The following SPON1 variants were observed in gnomAD, a reference collection of about 807,000 sequenced individuals.
The protein encoded by SPON1 is spondin-1.
Under a neutral mutation model 111.7 loss-of-function variants are expected in SPON1, and 52 were observed. The ratio of observed to expected loss-of-function variants is 0.47; its 90% confidence interval spans 0.37 to 0.59. The LOEUF is 0.59. Among genes scored for constraint, SPON1 ranks in the 20% least tolerant of loss-of-function variants. The pLI is 0.00. For synonymous variants in SPON1, 410 were observed against 395.8 expected, an observed-to-expected ratio of 1.04 and a Z score of -0.43; for missense variants, 957 against 1,068.5, an observed-to-expected ratio of 0.90 and a Z score of 1.46.
intron 2 of SPON1, among the ~76,000 whole-genome samples, chr11:14,030,124 G>C (rs1848547405): frequency 1.3e-5 from 2 of 152,212 alleles, no homozygotes; most frequent in Admixed American, 1.3e-4. Context: ...GAACTACTCA[G>C]GTTAATAGAG....
intron 6 of SPON1, among the ~76,000 whole-genome samples, chr11:14,136,091 C>T (rs1335948228): frequency 6.6e-6 from 1 of 152,322 alleles, no homozygotes; most frequent in South Asian, 2.1e-4. Context: ...TAGGCCTTCA[C>T]TGATACCTCT....
intron 2 of SPON1, among the ~76,000 whole-genome samples, chr11:14,005,137 A>G (rs574265165): frequency 5.8e-4 from 88 of 152,148 alleles, no homozygotes; most frequent in Non-Finnish European, 9.1e-4. Context: ...GATATCCAAA[A>G]AAATTATTAC....
intron 5 of SPON1, among the ~76,000 whole-genome samples, chr11:14,102,557 T>C (rs1849152211): frequency 6.6e-6 from 1 of 152,230 alleles, no homozygotes; most frequent in South Asian, 2.1e-4. Flanking sequence ...CACAGTTTTG[T>C]AGCAAATCAA....
intron 3 of SPON1, among the ~76,000 whole-genome samples, chr11:14,050,121 C>G (rs1399179739): frequency 1.3e-5 from 2 of 152,188 alleles, no homozygotes; most frequent in Non-Finnish European, 2.9e-5. Flanking sequence ...CCAGCTGCAG[C>G]TGCTACAAGA....
chr11:14,018,893 G>A (rs1848462073), intron 2 of SPON1, among the ~76,000 whole-genome samples: 1 of 152,194 alleles, frequency 6.6e-6, no homozygotes, highest in Non-Finnish European at 1.5e-5. Flanking sequence ...TGAAGAGCCT[G>A]GTAATAGCAG....
chr11:14,221,741 C>T (rs184606682), intron 6 of SPON1, among the ~76,000 whole-genome samples: 23 of 152,260 alleles, frequency 1.5e-4, no homozygotes, highest in South Asian at 2.1e-4. Flanking sequence ...TCTTCACAAG[C>T]GAAGGGCATT....
At chr11:14,026,654 G>T (rs1554915350) in intron 2 of SPON1, among the ~76,000 whole-genome samples, 1 of 152,200 alleles carries the variant, frequency 6.6e-6, no homozygotes, top group Non-Finnish European at 1.5e-5. Context: ...AATACAACAA[G>T]CTTCAGGGTT....
At chr11:14,263,069 A>T in intron 15 of SPON1, 94 bp downstream of exon 15, 1 of 1,382,920 alleles carries the variant, frequency 7.2e-7, no homozygotes, top group Non-Finnish European at 9.6e-7. Flanking sequence ...AAAAAAAAAA[A>T]AAAAAGTCGG....
intron 2 of SPON1, among the ~76,000 whole-genome samples, chr11:13,990,460 T>C (rs149332056): frequency 0.021 from 3,058 of 147,768 alleles, 109 homozygotes; most frequent in African/African-American, 0.071. Flanking sequence ...TGAGCCTATG[T>C]GTGTCTTTGC....
At chr11:14,002,705 G>A (rs782684186) in intron 2 of SPON1, among the ~76,000 whole-genome samples, 4 of 151,962 alleles carry the variant, frequency 2.6e-5, no homozygotes, top group Non-Finnish European at 5.9e-5. Flanking sequence ...GCAGACAGAT[G>A]GTACAGTTTT....
At chr11:14,179,197 C>A (rs1045149850) in intron 6 of SPON1, among the ~76,000 whole-genome samples, 1 of 152,086 alleles carries the variant, frequency 6.6e-6, no homozygotes, top group African/African-American at 2.4e-5. Flanking sequence ...ATGAAGAAAG[C>A]GTCATTCAGC....
chr11:14,052,017 C>G (rs1848711158), intron 3 of SPON1, among the ~76,000 whole-genome samples: 1 of 152,186 alleles, frequency 6.6e-6, no homozygotes, highest in African/African-American at 2.4e-5. Flanking sequence ...CACCACTAAG[C>G]TACACTGACT....
chr11:14,176,135 G>A (rs962078328), intron 6 of SPON1, among the ~76,000 whole-genome samples: 1 of 152,010 alleles, frequency 6.6e-6, no homozygotes, highest in African/African-American at 2.4e-5. Flanking sequence ...GCCCTCTTTA[G>A]GGTTCATTGA....
At chr11:14,081,080 ACT>A (rs2133832755) in intron 5 of SPON1, among the ~76,000 whole-genome samples, 1 of 151,516 alleles carries the variant, frequency 6.6e-6, no homozygotes, top group East Asian at 1.9e-4. Flanking sequence ...CAAGACTCTG[ACT>A]CAAAAAAAAA....
chr11:14,117,693 C>A (rs1849276847), intron 5 of SPON1, among the ~76,000 whole-genome samples: 1 of 152,072 alleles, frequency 6.6e-6, no homozygotes, highest in African/African-American at 2.4e-5. Flanking sequence ...CCTCTTTTGT[C>A]CTATATATAG....
chr11:14,113,568 ATTTTTTTTTTTT>A (rs782780924), intron 5 of SPON1, among the ~76,000 whole-genome samples: 934 of 74,696 alleles, frequency 0.013, 172 homozygotes, highest in Non-Finnish European at 0.013. Context: ...TACTTTTTAA[ATTTTTTTTTTTT>A]TTTTTTTTTT....
chr11:14,020,602 G>A (rs1848473831), intron 2 of SPON1, among the ~76,000 whole-genome samples: 1 of 152,196 alleles, frequency 6.6e-6, no homozygotes, highest in Admixed American at 6.5e-5. Context: ...AGTGGAGGCT[G>A]ATGTAAGTAC....
chr11:14,249,599 A>G (rs1849031527), intron 7 of SPON1, among the ~76,000 whole-genome samples: 1 of 152,236 alleles, frequency 6.6e-6, no homozygotes. Context: ...GATGAGAGAC[A>G]ACACAGCATA....
At chr11:14,240,589 TTGTGTGTGTGTGTGTGTGTG>T (rs56265194) in intron 6 of SPON1, among the ~76,000 whole-genome samples, 13 of 140,342 alleles carry the variant, frequency 9.3e-5, no homozygotes, top group South Asian at 2.4e-4. Context: ...AGAAGCAATA[TTGTGTGTGTGTGTGTGTGTG>T]TGTGTGTGTG....
Sources: gnomAD v4.1 joint callset for allele counts (sites outside exome capture counted in the v4.1 genomes callset) on GRCh38, gnomAD v4.1.1 for gene constraint, MANE v1.5 for transcripts, NCBI Gene and HGNC (gene_info 2026-07-23, HGNC 2026-07-21) for gene names.